The following GPR137C variants were observed in gnomAD, a reference collection of about 807,000 sequenced individuals.
GPR137C encodes the protein integral membrane protein GPR137C.
A neutral mutation model predicts 43.4 loss-of-function variants in GPR137C; 27 were observed. The ratio of observed to expected loss-of-function variants is 0.62; its 90% CI spans 0.46 to 0.86. The LOEUF (loss-of-function observed/expected upper bound fraction) is 0.86, where lower values mean the gene tolerates loss of function less well. GPR137C is among the 40% of genes least tolerant of loss of function. GPR137C has a pLI of 0.00. For synonymous variants in GPR137C, 285 were observed against 226.9 expected, an observed-to-expected ratio of 1.26 and a Z score of -2.30; for missense variants, 522 against 534.6, an observed-to-expected ratio of 0.98 and a Z score of 0.23.
At chr14:52,582,181 A>G (rs1594789512) in intron 1 of GPR137C, among the ~76,000 whole-genome samples, 1 of 152,314 alleles carries the variant, frequency 6.6e-6, no homozygotes, top group Non-Finnish European at 1.5e-5. Context: ...CCTTCCCACT[A>G]TGTCCTCACA....
chr14:52,613,159 C>A (rs990677670), intron 3 of GPR137C: 1 of 150,222 alleles, frequency 6.7e-6, no homozygotes, highest in Non-Finnish European at 1.5e-5. Flanking sequence ...GGCAGGAGAA[C>A]GGTGTGAACC....
At chr14:52,609,961 A>C (rs996456808) in intron 3 of GPR137C, among the ~76,000 whole-genome samples, 36 of 152,204 alleles carry the variant, frequency 2.4e-4, no homozygotes, top group African/African-American at 8.7e-4. Flanking sequence ...TTGTGCCCCA[A>C]CTTCTCACCG....
At chr14:52,558,861 C>A (rs941186114) in intron 1 of GPR137C, among the ~76,000 whole-genome samples, 1 of 151,882 alleles carries the variant, frequency 6.6e-6, no homozygotes, top group Non-Finnish European at 1.5e-5. Flanking sequence ...AAAAATCACT[C>A]GGGATATAGC....
At chr14:52,577,117 G>A (rs1258330530) in intron 1 of GPR137C, among the ~76,000 whole-genome samples, 1 of 149,318 alleles carries the variant, frequency 6.7e-6, no homozygotes, top group Non-Finnish European at 1.5e-5. Flanking sequence ...AACCCGGGGG[G>A]CGGAGGTTGC....
chr14:52,622,853 C>T (rs2039175868), intron 3 of GPR137C, among the ~76,000 whole-genome samples: 1 of 152,076 alleles, frequency 6.6e-6, no homozygotes, highest in Admixed American at 6.5e-5. Context: ...TTCAGTGCTT[C>T]ACCAAAGACA....
At chr14:52,608,363 G>A (rs1489373444) in intron 3 of GPR137C, among the ~76,000 whole-genome samples, 1 of 152,170 alleles carries the variant, frequency 6.6e-6, no homozygotes, top group Non-Finnish European at 1.5e-5. Context: ...ATCACAAAAA[G>A]AAGAGAAAAC....
At position 52,553,245 on chromosome 14, in the gene GPR137C, T is replaced by A. The variant is rs1165085558; in HGVS notation, c.98T>A (p.Val33Asp). The A allele has an allele frequency of 7.6e-7, 1 of 1,314,254 alleles. No individual in the cohort carries two copies. The highest frequency in any genetic ancestry group is 9.7e-7 in the Non-Finnish European group (1 of 1,031,548). The allele number at this position is 1,314,254 out of a possible 1,614,324, so 81.4% of individuals were successfully genotyped here. A position where few individuals can be genotyped will look rare whatever the true frequency, so the allele number is the denominator to read the frequency against. ...PGGGSGGGGAVAAASGAAVPG... is the reference protein window; with the variant it reads ...PGGGSGGGGADAAASGAAVPG... ...GGGGGCAGCGGAGGCGGAGGCGCCG[T>A]CGCTGCAGCCTCAGGCGCCGCGGTG... The change falls in exon 1 of 7, where the codon GTC becomes GAC. Residue 33 changes from valine (V) to aspartate (D), a missense_variant. Coordinates refer to ENST00000321662, the MANE Select transcript of GPR137C (RefSeq NM_001099652.2).
At chr14:52,574,153 C>CT (rs886695396) in intron 1 of GPR137C, among the ~76,000 whole-genome samples, 11 of 151,312 alleles carry the variant, frequency 7.3e-5, no homozygotes, top group African/African-American at 2.4e-4. Context: ...TTGTGGAAGA[C>CT]AGTGTGGCGA....
intron 3 of GPR137C, among the ~76,000 whole-genome samples, chr14:52,625,090 A>T (rs1322230452): frequency 6.6e-6 from 1 of 152,234 alleles, no homozygotes; most frequent in Non-Finnish European, 1.5e-5. Flanking sequence ...TAAAGTTATT[A>T]TCAGAAATTT....
intron 1 of GPR137C, among the ~76,000 whole-genome samples, chr14:52,583,025 A>C (rs1364774438): frequency 1.3e-5 from 2 of 152,128 alleles, no homozygotes; most frequent in African/African-American, 2.4e-5. Context: ...TTAACCCTTA[A>C]AATTCTTTAT....
At chr14:52,602,662 C>T (rs180991018) in intron 3 of GPR137C, among the ~76,000 whole-genome samples, 1 of 152,150 alleles carries the variant, frequency 6.6e-6, no homozygotes. Context: ...TAATCTTTCC[C>T]CTTTTTATGA....
chr14:52,589,644 G>T (rs1208259108), intron 1 of GPR137C, among the ~76,000 whole-genome samples: 1 of 152,194 alleles, frequency 6.6e-6, no homozygotes, highest in Non-Finnish European at 1.5e-5. Flanking sequence ...TCAGCCTCTA[G>T]TAGATGGTAG....
chr14:52,561,538 A>G lies in GPR137C; in HGVS notation c.444+7947A>G, dbSNP rs2038283801. On this transcript the variant is annotated intron_variant, in intron 1 of 6. Coordinates refer to ENST00000321662, the MANE Select transcript of GPR137C (RefSeq NM_001099652.2). ...TATAAAAACTTGAACATGGATGTAC[A>G]TAATAGCTTTATTCACAAAAACTCC... Among the ~76,000 whole-genome samples, 4 of 152,242 alleles carry G rather than the reference A, an allele frequency of 2.6e-5. No individual in the cohort carries two copies. The South Asian group carries it at 6.2e-4, about 24-fold the overall frequency.
chr14:52,603,363 T>C (rs907791856), intron 3 of GPR137C, among the ~76,000 whole-genome samples: 4 of 152,228 alleles, frequency 2.6e-5, no homozygotes, highest in African/African-American at 9.6e-5. Context: ...ACACTTAGGT[T>C]GATTCCATAT....
intron 3 of GPR137C, among the ~76,000 whole-genome samples, chr14:52,629,421 C>T (rs1399788051): frequency 6.6e-6 from 1 of 152,134 alleles, no homozygotes; most frequent in Non-Finnish European, 1.5e-5. Flanking sequence ...TCTCAGTTTT[C>T]TAGGATGTGG....
intron 1 of GPR137C, among the ~76,000 whole-genome samples, chr14:52,592,999 T>C (rs1384353479): frequency 3.3e-5 from 5 of 152,160 alleles, no homozygotes; most frequent in South Asian, 2.1e-4. Flanking sequence ...TTTTGAGATA[T>C]GTTGCATCAA....
At chr14:52,626,059 A>G (rs1038949738) in intron 3 of GPR137C, among the ~76,000 whole-genome samples, 3 of 152,216 alleles carry the variant, frequency 2.0e-5, no homozygotes, top group Non-Finnish European at 2.9e-5. Context: ...AATAACAACT[A>G]TTTACATATC....
intron 1 of GPR137C, among the ~76,000 whole-genome samples, chr14:52,593,090 A>G (rs1407915668): frequency 3.9e-5 from 6 of 152,112 alleles, no homozygotes; most frequent in African/African-American, 1.2e-4. Context: ...TGAGATTATC[A>G]TGTGGTTTTT....
intron 1 of GPR137C, among the ~76,000 whole-genome samples, chr14:52,570,629 T>TA (rs140740071): frequency 0.039 from 5,883 of 152,000 alleles, 366 homozygotes; most frequent in African/African-American, 0.13. Context: ...ACATATAGGC[T>TA]AAAAATAAAG....
Sources: allele counts gnomAD v4.1 joint callset (sites outside exome capture counted in the v4.1 genomes callset), GRCh38; gene constraint gnomAD v4.1.1; transcripts MANE v1.5; gene names NCBI Gene and HGNC (gene_info 2026-07-23, HGNC 2026-07-21).